GFI1B: variants seen among roughly 807,000 people sequenced by gnomAD.
The protein encoded by GFI1B is growth factor independent 1B transcriptional repressor.
A neutral mutation model predicts 35.3 loss-of-function variants in GFI1B; 20 were observed. The observed-to-expected ratio is 0.57, with a 90% CI of 0.40 to 0.82. The LOEUF is 0.82. Among genes scored for constraint, GFI1B ranks in the 40% least tolerant of loss-of-function variants. The pLI, the probability that GFI1B is intolerant of heterozygous loss-of-function variation, is 0.00. For missense variants in GFI1B, 430 were observed against 446.3 expected, an observed-to-expected ratio of 0.96 and a Z score of 0.33; for synonymous variants, 178 against 177.6, an observed-to-expected ratio of 1.00 and a Z score of -0.02.
chr9:132,993,384 G>A (rs3011265), downstream of GFI1B, among the ~76,000 whole-genome samples: 127,020 of 152,068 alleles, frequency 0.84, 53,450 homozygotes, highest in African/African-American at 0.92. Context: ...ACAGAAAGCT[G>A]GAATACCCCC....
In GFI1B at chr9:132,990,814, A is replaced by G. The variant is rs571213593; in HGVS notation, c.815-58A>G. 2.0e-5 allele frequency: 31 copies of G among 1,524,098 alleles called. No individual in the cohort carries two copies. In the Admixed American group the frequency reaches 2.7e-4, roughly 13 times the overall value. 94.4% of individuals were successfully genotyped at this position (1,524,098 alleles called of 1,614,324 possible). A position where few individuals can be genotyped will look rare whatever the true frequency, so the allele number is the denominator to read the frequency against. On this transcript the variant is annotated intron_variant, in intron 6 of 6. Transcript: ENST00000372122. ...CCCGGGGGCAGGGCAGGGGAGCAGCAGGCCTGGTGAGGAGGCCCTGACCCC... is the reference window on the plus strand; with the variant it reads ...CCCGGGGGCAGGGCAGGGGAGCAGCGGGCCTGGTGAGGAGGCCCTGACCCC...
At chr9:132,970,963 C>T (rs542238650) in intron 1 of GFI1B, among the ~76,000 whole-genome samples, 1 of 152,328 alleles carries the variant, frequency 6.6e-6, no homozygotes, top group African/African-American at 2.4e-5. Flanking sequence ...AACCCTAACC[C>T]TGCCGCAACT....
At chr9:132,965,888 C>T in intron 1 of GFI1B, among the ~76,000 whole-genome samples, 1 of 152,218 alleles carries the variant, frequency 6.6e-6, no homozygotes, top group East Asian at 1.9e-4. Flanking sequence ...AATAGAATTT[C>T]TGCAATTTAA....
At chr9:132,970,528 T>A (rs573395046) in intron 1 of GFI1B, among the ~76,000 whole-genome samples, 5 of 152,288 alleles carry the variant, frequency 3.3e-5, no homozygotes, top group African/African-American at 1.2e-4. Flanking sequence ...ATCTGTGACG[T>A]GCAGTGTGGT....
chr9:132,947,428 AAAG>A (rs1261192870), intron 1 of GFI1B, among the ~76,000 whole-genome samples: 4 of 93,930 alleles, frequency 4.3e-5, no homozygotes, highest in Non-Finnish European at 9.8e-5. Flanking sequence ...AAAAAAAAAA[AAAG>A]AAAGAAAAAG....
upstream of GFI1B, among the ~76,000 whole-genome samples, chr9:132,974,601 CAAAAAAAAAA>C (rs11243966): frequency 2.5e-5 from 2 of 79,818 alleles, no homozygotes; most frequent in African/African-American, 5.6e-5. Context: ...GAATCCGTCT[CAAAAAAAAAA>C]AAAAAAAAAA....
chr9:132,964,884 C>T (rs1848427084), intron 1 of GFI1B, among the ~76,000 whole-genome samples: 1 of 151,346 alleles, frequency 6.6e-6, no homozygotes, highest in African/African-American at 2.4e-5. Flanking sequence ...GGATTATAGG[C>T]ACCTGACACC....
At chr9:132,990,776 A>G (rs1564181125) in intron 6 of GFI1B, 96 bp from the exon 7 acceptor site, 3 of 1,028,690 alleles carry the variant, frequency 2.9e-6, no homozygotes, top group Non-Finnish European at 4.5e-6. Context: ...ACAGGAAGGT[A>G]TTGGAAAATG....
At position 132,989,061 on chromosome 9, in the gene GFI1B, G is replaced by T. The variant is rs142421593; in HGVS notation, c.511G>T (p.Val171Phe). 4.0e-5 allele frequency: 65 copies of T among 1,614,004 alleles called. No individual in the cohort carries two copies. The African/African-American group carries it at 5.2e-4, about 13-fold the overall frequency. ...CCTCACATGCTGCCCCTGCTCCCAG[G>T]TCTTCTCCACCCCTCACGGGCTCGA... ...DAYHCVKCNK[V>F]FSTPHGLEVH... The change falls in exon 5 of 7, where the codon GTC becomes TTC. Residue 171 changes from valine to phenylalanine, a missense_variant and splice_region_variant. Physicochemically the swap from Val to Phe is conservative, Grantham distance 50. Coordinates refer to ENST00000372122, the MANE Select transcript of GFI1B (RefSeq NM_001377304.1). The surrounding 1 kb of genome is among the most constrained non-coding windows in gnomAD (Gnocchi z 6.2).
At chr9:132,973,463 A>C (rs899195931) in intron 2 of GFI1B, among the ~76,000 whole-genome samples, 1 of 152,182 alleles carries the variant, frequency 6.6e-6, no homozygotes, top group Non-Finnish European at 1.5e-5. Flanking sequence ...AGAGGACCCC[A>C]TGACGTTCCT....
intron 1 of GFI1B, among the ~76,000 whole-genome samples, chr9:132,960,973 C>T (rs1287519990): frequency 1.3e-5 from 2 of 152,002 alleles, no homozygotes; most frequent in Non-Finnish European, 2.9e-5. Context: ...TTTCTCAGTC[C>T]CCCAAGCAGC....
intron 1 of GFI1B, among the ~76,000 whole-genome samples, chr9:132,964,098 G>A (rs1004435041): frequency 6.6e-6 from 1 of 152,018 alleles, no homozygotes; most frequent in African/African-American, 2.4e-5. Flanking sequence ...AAATTAGCTG[G>A]GCATGGTGAT....
At position 132,986,652 on chromosome 9, in the gene GFI1B, C is replaced by T. The variant is rs1220823985; in HGVS notation, c.-20-7C>T. On this transcript the variant is annotated splice_region_variant and splice_polypyrimidine_tract_variant and intron_variant, in intron 1 of 6. Transcript: ENST00000372122. ...TTCCTAACCGCTCCCATCCCTCCCC[C>T]TTGCAGGTGTGGGGTGCACACTGAA... 1 of 1,439,850 alleles carries T rather than the reference C, an allele frequency of 6.9e-7. No individual in the cohort carries two copies. 89.2% of individuals were successfully genotyped at this position (1,439,850 alleles called of 1,614,324 possible).
At chr9:132,962,525 G>T in intron 1 of GFI1B, 1 of 514,278 alleles carries the variant, frequency 1.9e-6, no homozygotes, top group Non-Finnish European at 4.0e-6. Context: ...CTTCTCACAA[G>T]ACTTTGAGGA....
rs776772049 is a variant in GFI1B, at chr9:132,989,182, C to T, written c.632C>T (p.Thr211Met). 2.0e-5 allele frequency: 33 copies of T among 1,613,204 alleles called. No individual in the cohort carries two copies. The highest frequency in any genetic ancestry group is 1.7e-4 in the Middle Eastern group (1 of 6,020). Residue 211 changes from threonine to methionine, a missense_variant, in exon 5 of 7, where the codon ACG becomes ATG. Physicochemically the swap from Thr to Met is moderately conservative, Grantham distance 81. Coordinates refer to ENST00000372122, the MANE Select transcript of GFI1B (RefSeq NM_001377304.1). This position sits in a 1 kb window ranked among gnomAD's most constrained non-coding sequence, Gnocchi z 6.2. ...CACGCTGTGAGCCTGGAGCAGCACA[C>T]GCACGTCCACTCCCAGGTGGGCACC... ...FGHAVSLEQH[T>M]HVHSQERSFE... is the part of the protein sequence containing the mutation.
At chr9:132,990,533 C>A (rs681842) in intron 6 of GFI1B, among the ~76,000 whole-genome samples, 120,587 of 152,080 alleles carry the variant, frequency 0.79, 47,833 homozygotes, top group Admixed American at 0.82. Context: ...TTATTCATTC[C>A]TTCACTCATT....
chr9:132,970,509 C>T (rs117075494), intron 1 of GFI1B, among the ~76,000 whole-genome samples: 4 of 152,256 alleles, frequency 2.6e-5, no homozygotes, highest in Non-Finnish European at 5.9e-5. Context: ...TCCATGGCCA[C>T]GCTTCCTGAT....
At chr9:132,957,752 A>G (rs1848302737) in intron 1 of GFI1B, among the ~76,000 whole-genome samples, 1 of 152,218 alleles carries the variant, frequency 6.6e-6, no homozygotes, top group Non-Finnish European at 1.5e-5. Context: ...AAAGTTAGAA[A>G]GCAGGAACAC....
chr9:132,967,537 G>T (rs1206201997), intron 1 of GFI1B, among the ~76,000 whole-genome samples: 3 of 152,108 alleles, frequency 2.0e-5, no homozygotes, highest in African/African-American at 7.2e-5. Context: ...TCTAAAAGAG[G>T]AACTATCAAA....
Sources: allele counts gnomAD v4.1 joint callset (sites outside exome capture counted in the v4.1 genomes callset), GRCh38; gene constraint gnomAD v4.1.1; non-coding constraint Gnocchi (gnomAD v3.1); transcripts MANE v1.5; gene names NCBI Gene and HGNC (gene_info 2026-07-23, HGNC 2026-07-21).